Variants in DENND1B observed in about 807,000 individuals in gnomAD.
DENND1B encodes the protein DENN domain-containing protein 1B.
A neutral mutation model predicts 90.1 loss-of-function variants in DENND1B; 59 were observed. The ratio of observed to expected loss-of-function variants is 0.65; its 90% CI spans 0.53 to 0.81. The LOEUF is 0.81. DENND1B is among the 40% of genes least tolerant of loss of function. The probability of loss-of-function intolerance (pLI) is 0.00; values close to 1 mark genes in which losing one functional copy is unlikely to be tolerated. For missense variants in DENND1B, 862 were observed against 912.6 expected, an observed-to-expected ratio of 0.94 and a Z score of 0.71; for synonymous variants, 337 against 324.6, an observed-to-expected ratio of 1.04 and a Z score of -0.41.
At chr1:197,632,866 C>G (rs1324734583) in intron 10 of DENND1B, among the ~76,000 whole-genome samples, 2 of 107,614 alleles carry the variant, frequency 1.9e-5, no homozygotes, top group African/African-American at 5.7e-5. Context: ...TTCTCAATAA[C>G]CAAAGGGAAA....
chr1:197,771,738 CCAAT>C (rs1656644115), intron 2 of DENND1B, among the ~76,000 whole-genome samples: 1 of 152,158 alleles, frequency 6.6e-6, no homozygotes, highest in African/African-American at 2.4e-5. Context: ...TTTAGGATGG[CCAAT>C]CAGTCTCCAC....
At chr1:197,672,837 T>C (rs1372691223) in intron 4 of DENND1B, among the ~76,000 whole-genome samples, 1 of 152,064 alleles carries the variant, frequency 6.6e-6, no homozygotes, top group Non-Finnish European at 1.5e-5. Context: ...TGTCACACTT[T>C]GGTATAAGGG....
intron 20 of DENND1B, among the ~76,000 whole-genome samples, chr1:197,527,766 T>C (rs1395892597): frequency 6.6e-6 from 1 of 152,314 alleles, no homozygotes; most frequent in East Asian, 1.9e-4. Flanking sequence ...TTCTTTCTAA[T>C]TTTCTGCCCC....
At chr1:197,546,084 G>T in intron 17 of DENND1B, 94 bp from the exon 18 acceptor site, 1 of 979,032 alleles carries the variant, frequency 1.0e-6, no homozygotes, top group Non-Finnish European at 1.5e-6. Flanking sequence ...TTAAAAAAAG[G>T]GCTTTACTCA....
Position 197,510,214 on chromosome 1 carries a change from C to A in DENND1B, c.*246G>T. The A allele has an allele frequency of 6.5e-6, 3 of 464,754 alleles. No individual in the cohort carries two copies. Among genetic ancestry groups the A allele is most frequent in the Non-Finnish European group, 7.5e-6 (2 of 265,740 alleles). The allele number at this position is 464,754 out of a possible 1,614,324, so 28.8% of individuals were successfully genotyped here. A position where few individuals can be genotyped will look rare whatever the true frequency, so the allele number is the denominator to read the frequency against. ...CATTAAGCACCAAACACTGGGAAAT[C>A]TCATGGTCAATACATACTTTAAACA... On this transcript the variant is annotated 3_prime_UTR_variant, in exon 23 of 23. Coordinates refer to ENST00000620048, the MANE Select transcript of DENND1B (RefSeq NM_001195215.2).
At chr1:197,591,775 T>C (rs1675226629) in intron 14 of DENND1B, among the ~76,000 whole-genome samples, 1 of 152,136 alleles carries the variant, frequency 6.6e-6, no homozygotes, top group East Asian at 1.9e-4. Context: ...CTTTCATGTA[T>C]CTTCATTTAG....
In DENND1B at chr1:197,510,331, G is replaced by A; in HGVS notation, c.*129C>T. 9.7e-7 allele frequency: 1 copy of A among 1,030,752 alleles called. No homozygotes were observed. 63.9% of individuals were successfully genotyped at this position (1,030,752 alleles called of 1,614,324 possible). ...TTTCATATATCCTCGAAATGAACAA[G>A]TGAGAAAAATGTTGCAAATGCAAAA... is the stretch of plus-strand genomic sequence containing the variant. On this transcript the variant is annotated 3_prime_UTR_variant, in exon 23 of 23. Coordinates refer to ENST00000620048, the MANE Select transcript of DENND1B (RefSeq NM_001195215.2).
At chr1:197,705,340 A>G (rs1223026511) in intron 3 of DENND1B, among the ~76,000 whole-genome samples, 1 of 152,182 alleles carries the variant, frequency 6.6e-6, no homozygotes, top group Admixed American at 6.5e-5. Context: ...AATGGTATCT[A>G]AAGTTCCTTT....
At chr1:197,607,676 AAGAG>A (rs972585637) in intron 12 of DENND1B, among the ~76,000 whole-genome samples, 3 of 150,760 alleles carry the variant, frequency 2.0e-5, no homozygotes, top group Non-Finnish European at 4.5e-5. Context: ...AAAGCTGAAT[AAGAG>A]AGAATAAAAG....
At chr1:197,663,170 C>T (rs778012134) in intron 5 of DENND1B, among the ~76,000 whole-genome samples, 1 of 152,028 alleles carries the variant, frequency 6.6e-6, no homozygotes, top group Non-Finnish European at 1.5e-5. Context: ...TTTCTCTGCA[C>T]ATAATTTGTT....
Position 197,510,480 on chromosome 1 carries a change from T to C in DENND1B, c.2308A>G (p.Thr770Ala). ...AAGATTTAAGTTTGGTTTCCATTTG[T>C]GTTTTTGTCTGAAATGTTCAAGCTT... is the stretch of plus-strand genomic sequence containing the variant. Reference protein sequence around the residue: ...QQSLNISDKNTNGNQT With the variant: ...QQSLNISDKNANGNQT The change falls in exon 23 of 23, where the codon ACA (threonine) becomes GCA (alanine). Residue 770 changes from threonine to alanine, a missense_variant. Physicochemically the swap from Thr to Ala is moderately conservative, Grantham distance 58. Transcript: ENST00000620048. The C allele has an allele frequency of 6.2e-7, 1 of 1,604,976 alleles. No individual in the cohort carries two copies. The highest frequency in any genetic ancestry group is 8.5e-7 in the Non-Finnish European group (1 of 1,175,210).
intron 2 of DENND1B, among the ~76,000 whole-genome samples, chr1:197,762,462 C>T (rs1468649217): frequency 6.6e-6 from 1 of 152,124 alleles, no homozygotes; most frequent in Non-Finnish European, 1.5e-5. Flanking sequence ...ATTTGAGGTG[C>T]TCAATATGAT....
chr1:197,551,527 T>C (rs1671240420), intron 16 of DENND1B, among the ~76,000 whole-genome samples: 1 of 152,128 alleles, frequency 6.6e-6, no homozygotes, highest in Non-Finnish European at 1.5e-5. Context: ...AGGCTTTTCG[T>C]GAAAAATTTT....
intron 3 of DENND1B, among the ~76,000 whole-genome samples, chr1:197,684,293 G>C (rs1386417790): frequency 1.3e-5 from 2 of 152,164 alleles, no homozygotes; most frequent in South Asian, 4.1e-4. Flanking sequence ...AGGCTAAGTA[G>C]CTTGTCCAAA....
intron 3 of DENND1B, 43 bp from the exon 4 acceptor site, chr1:197,674,212 AT>A: frequency 1.4e-6 from 2 of 1,437,076 alleles, no homozygotes; most frequent in Non-Finnish European, 1.9e-6. Flanking sequence ...GTTTTAGAAT[AT>A]TTTTTAAGAA....
intron 15 of DENND1B, among the ~76,000 whole-genome samples, chr1:197,575,633 G>T (rs1217860855): frequency 6.6e-6 from 1 of 152,174 alleles, no homozygotes; most frequent in Admixed American, 6.5e-5. Flanking sequence ...ATATGCACAT[G>T]TATGTTTATT....
chr1:197,597,173 AT>A (rs1675777081), intron 13 of DENND1B, among the ~76,000 whole-genome samples: 2 of 108,356 alleles, frequency 1.8e-5, no homozygotes, highest in Admixed American at 1.9e-4. Flanking sequence ...ATAAATGCAT[AT>A]TTTTTGGTAA....
intron 20 of DENND1B, among the ~76,000 whole-genome samples, chr1:197,527,414 T>C (rs202106706): frequency 1.3e-5 from 2 of 150,816 alleles, no homozygotes; most frequent in African/African-American, 4.9e-5. Context: ...TCCCGAGTAG[T>C]TGGGATTATA....
At chr1:197,749,098 G>A (rs1227564701) in intron 2 of DENND1B, among the ~76,000 whole-genome samples, 2 of 151,754 alleles carry the variant, frequency 1.3e-5, no homozygotes, top group Non-Finnish European at 2.9e-5. Flanking sequence ...TACAAACCGA[G>A]ACACAGAAAC....
Sources: gnomAD v4.1 joint callset for allele counts (sites outside exome capture counted in the v4.1 genomes callset) on GRCh38, gnomAD v4.1.1 for gene constraint, MANE v1.5 for transcripts, NCBI Gene and HGNC (gene_info 2026-07-23, HGNC 2026-07-21) for gene names.